LAMA2: variants seen among roughly 807,000 people sequenced by gnomAD.
LAMA2 encodes the protein laminin subunit alpha 2, also known as laminin subunit alpha-2.
In LAMA2, 269 loss-of-function variants were observed where a neutral mutation model predicts 364.8. The observed-to-expected ratio is 0.74, with a 90% confidence interval of 0.67 to 0.82. The LOEUF is 0.82. Among genes scored for constraint, LAMA2 ranks in the 40% least tolerant of loss-of-function variants. The pLI is 0.00. For synonymous variants in LAMA2, 1,379 were observed against 1,370.6 expected (o/e 1.01, Z -0.14); for missense variants, 3,807 against 3,873.2 (o/e 0.98, Z 0.45).
chr6:129,461,390 C>T lies in LAMA2; in HGVS notation c.6992+1066C>T, dbSNP rs745739085. ...CTTTGTTTCTTTTTGACATCATGGA[C>T]TTGTCAACATGAAATTGAGGATAGT... On this transcript the variant is annotated intron_variant, in intron 49 of 64. Transcript: ENST00000421865. Among the ~76,000 whole-genome samples the T allele has an allele frequency of 3.4e-4, 52 of 151,946 alleles. 1 individual carries two copies. The highest frequency in any genetic ancestry group is 6.3e-4 in the Non-Finnish European group (43 of 67,922).
At chr6:129,056,889 C>T (rs1188277805) in intron 2 of LAMA2, among the ~76,000 whole-genome samples, 1 of 102,084 alleles carries the variant, frequency 9.8e-6, no homozygotes, top group African/African-American at 3.6e-5. Flanking sequence ...CGCCACCATG[C>T]CTGTGCTATT....
chr6:129,083,026 T>C (rs2114842655), intron 3 of LAMA2, among the ~76,000 whole-genome samples: 1 of 152,026 alleles, frequency 6.6e-6, no homozygotes, highest in East Asian at 1.9e-4. Context: ...TTATAAAAAA[T>C]AGTTAACACC....
At chr6:129,135,902 C>G (rs375716936) in intron 4 of LAMA2, among the ~76,000 whole-genome samples, 1 of 152,168 alleles carries the variant, frequency 6.6e-6, no homozygotes, top group East Asian at 1.9e-4. Context: ...TTATTATATA[C>G]TTTAACTGAA....
At chr6:129,287,513 G>C (rs903205892) in intron 18 of LAMA2, among the ~76,000 whole-genome samples, 12 of 152,148 alleles carry the variant, frequency 7.9e-5, no homozygotes, top group Non-Finnish European at 1.8e-4. Flanking sequence ...GACATATGAT[G>C]TGTTGTACTA....
rs531859548 is a variant in LAMA2, at chr6:129,503,413, C to T, written c.8547+133C>T. On this transcript the variant is annotated intron_variant, in intron 60 of 64. Transcript: ENST00000421865. ...CAGAAGCTAAAAATAAAATAAGTGC[C>T]ATATACAACTACCACAATCTTGGAA... The T allele has an allele frequency of 3.6e-5, 29 of 809,152 alleles. No homozygotes were observed. In the East Asian group the frequency reaches 3.7e-4, roughly 10 times the overall value. 50.1% of individuals were successfully genotyped at this position (809,152 alleles called of 1,614,324 possible).
chr6:129,256,437 AG>A (rs1429106535), intron 14 of LAMA2, among the ~76,000 whole-genome samples: 1 of 152,128 alleles, frequency 6.6e-6, no homozygotes, highest in African/African-American at 2.4e-5. Flanking sequence ...AAGGATACAA[AG>A]GTGGACAAAT....
At chr6:129,201,904 A>G (rs1782312825) in intron 12 of LAMA2, among the ~76,000 whole-genome samples, 1 of 152,132 alleles carries the variant, frequency 6.6e-6, no homozygotes, top group African/African-American at 2.4e-5. Context: ...AAAAAAACTA[A>G]CATGGCCAGG....
Position 129,088,516 on chromosome 6 carries a change from A to G in LAMA2, c.397-9657A>G, listed in dbSNP as rs866967098. On this transcript the variant is annotated intron_variant, in intron 3 of 64. Coordinates refer to ENST00000421865, the MANE Select transcript of LAMA2 (RefSeq NM_000426.4). ...TCCCTCCCAGACGGGGTGGCTGGCC[A>G]GGCGGGGGCTGCCCCCTACCTCCCT... is the stretch of plus-strand genomic sequence containing the variant. Among the ~76,000 whole-genome samples, 269 of 146,400 alleles carry G rather than the reference A, an allele frequency of 1.8e-3. 2 individuals carry two copies. Among genetic ancestry groups the G allele is most frequent in the African/African-American group, 6.4e-3 (251 of 39,500 alleles).
intron 12 of LAMA2, among the ~76,000 whole-genome samples, chr6:129,198,042 C>A (rs1339022118): frequency 6.6e-6 from 1 of 151,848 alleles, no homozygotes; most frequent in Non-Finnish European, 1.5e-5. Flanking sequence ...GGAGAATGTT[C>A]CATTTAATAA....
At chr6:129,346,466 A>G (rs1184533949) in intron 30 of LAMA2, among the ~76,000 whole-genome samples, 1 of 152,234 alleles carries the variant, frequency 6.6e-6, no homozygotes, top group Non-Finnish European at 1.5e-5. Flanking sequence ...AATTATTTCA[A>G]TCATTCTTTC....
chr6:129,369,832 C>A (rs931373361), intron 33 of LAMA2, 60 bp from the exon 34 acceptor site: 2 of 1,360,836 alleles, frequency 1.5e-6, no homozygotes, highest in South Asian at 2.3e-5. Flanking sequence ...TGTGTTCTGT[C>A]GAACACTATC....
intron 7 of LAMA2, among the ~76,000 whole-genome samples, chr6:129,152,636 T>C (rs1194926209): frequency 1.3e-5 from 2 of 152,206 alleles, no homozygotes; most frequent in African/African-American, 4.8e-5. Flanking sequence ...ACTAAAGTGA[T>C]GCTAGGACTC....
At chr6:129,025,565 G>C (rs765968110) in intron 1 of LAMA2, among the ~76,000 whole-genome samples, 1 of 152,096 alleles carries the variant, frequency 6.6e-6, no homozygotes. Flanking sequence ...TAAGTAGAAA[G>C]GTCCGTGGAG....
In LAMA2 at chr6:129,252,200, T is replaced by G. The variant is rs138600346; in HGVS notation, c.2001T>G (p.Phe667Leu). Residue 667 changes from phenylalanine to leucine, a missense_variant, in exon 14 of 65, where the codon TTT becomes TTG. Transcript: ENST00000421865. The part of the protein sequence containing the change: ...EESFTIHGTH[F>L]PVRRKEFMTV... ...CATTTACCATACATGGCACACATTT[T>G]CCAGTCCGTAGAAAGGAATTTATGA... 6.2e-7 allele frequency: 1 copy of G among 1,613,986 alleles called. No homozygotes were observed.
intron 56 of LAMA2, among the ~76,000 whole-genome samples, chr6:129,489,030 A>G (rs1784730447): frequency 6.6e-6 from 1 of 152,220 alleles, no homozygotes; most frequent in Non-Finnish European, 1.5e-5. Context: ...GAGATGATAT[A>G]TTTGACTTAA....
chr6:129,226,735 C>G (rs9388692), intron 12 of LAMA2, among the ~76,000 whole-genome samples: 4 of 151,736 alleles, frequency 2.6e-5, no homozygotes, highest in African/African-American at 9.7e-5. Context: ...TTGAGGGTAA[C>G]CCGACCTTTC....
chr6:129,007,013 T>G (rs952327547), intron 1 of LAMA2, among the ~76,000 whole-genome samples: 6 of 152,128 alleles, frequency 3.9e-5, no homozygotes, highest in Non-Finnish European at 8.8e-5. Flanking sequence ...CAACCACCCC[T>G]TTGTGCTCAC....
chr6:129,171,569 T>C (rs1217895136), intron 9 of LAMA2, among the ~76,000 whole-genome samples: 5 of 151,576 alleles, frequency 3.3e-5, no homozygotes, highest in Admixed American at 6.6e-5. Context: ...GGCTTCCCTT[T>C]GAGGGTAACC....
At chr6:129,202,741 A>G (rs998414835) in intron 12 of LAMA2, among the ~76,000 whole-genome samples, 3 of 152,244 alleles carry the variant, frequency 2.0e-5, no homozygotes, top group Non-Finnish European at 4.4e-5. Flanking sequence ...CTATCAGTCT[A>G]TAATTCTTTA....
Sources: allele counts gnomAD v4.1 joint callset (sites outside exome capture counted in the v4.1 genomes callset), GRCh38; gene constraint gnomAD v4.1.1; transcripts MANE v1.5; gene names NCBI Gene and HGNC (gene_info 2026-07-23, HGNC 2026-07-21).